Variants in TDRD3 observed in about 807,000 individuals in gnomAD.
The protein encoded by TDRD3 is tudor domain containing 3, also known as tudor domain-containing protein 3.
TDRD3 carries 45 observed loss-of-function variants against 86.7 expected under a neutral mutation model. That is an observed-to-expected ratio of 0.52 (90% confidence interval 0.41 to 0.67). TDRD3 has a LOEUF of 0.67. Ranked by LOEUF, TDRD3 falls within the 30% of genes least tolerant of loss-of-function variation. TDRD3 has a pLI of 0.00. For synonymous variants in TDRD3, 298 were observed against 301.7 expected (o/e 0.99, Z 0.13); for missense variants, 814 against 889.0 (o/e 0.92, Z 1.07).
At chr13:60,507,931 G>T (rs1489302541) in intron 8 of TDRD3, among the ~76,000 whole-genome samples, 2 of 152,064 alleles carry the variant, frequency 1.3e-5, no homozygotes, top group South Asian at 4.1e-4. Flanking sequence ...AAACTCTCAG[G>T]ATACAAAGCC....
At chr13:60,492,593 T>A (rs979469208) in intron 7 of TDRD3, among the ~76,000 whole-genome samples, 1 of 152,214 alleles carries the variant, frequency 6.6e-6, no homozygotes, top group African/African-American at 2.4e-5. Flanking sequence ...TGTGCTACCT[T>A]GCCTCCTAGT....
intron 12 of TDRD3, among the ~76,000 whole-genome samples, chr13:60,539,450 A>G (rs1957765560): frequency 6.6e-6 from 1 of 152,036 alleles, no homozygotes; most frequent in African/African-American, 2.4e-5. Flanking sequence ...ATATTAGTTT[A>G]AAGATAAAAT....
At chr13:60,514,249 G>A (rs527653800) in intron 10 of TDRD3, among the ~76,000 whole-genome samples, 10 of 152,206 alleles carry the variant, frequency 6.6e-5, no homozygotes, top group African/African-American at 2.4e-4. Flanking sequence ...GATGATTTAG[G>A]GTATCTGGCA....
intron 10 of TDRD3, among the ~76,000 whole-genome samples, chr13:60,518,142 C>T (rs901003935): frequency 6.6e-6 from 1 of 152,208 alleles, no homozygotes; most frequent in Non-Finnish European, 1.5e-5. Context: ...TGAAAATATA[C>T]TACACTGCTG....
Position 60,494,559 on chromosome 13 carries a change from G to C in TDRD3, c.842G>C (p.Gly281Ala). 1 of 1,613,584 alleles carries C rather than the reference G, an allele frequency of 6.2e-7. No homozygotes were observed. The change falls in exon 8 of 14, where the codon GGT becomes GCT. Residue 281 changes from glycine to alanine, a missense_variant. Gly to Ala is a moderately conservative substitution (Grantham distance 60). Transcript: ENST00000377881. ...ACCAAATCAGAGGGAAAACATGAAGGTGTCTATAGAGAACTGGTAAGGCTA... is the reference window on the plus strand; with the variant it reads ...ACCAAATCAGAGGGAAAACATGAAGCTGTCTATAGAGAACTGGTAAGGCTA... The part of the protein sequence containing the change: ...KSTKSEGKHE[G>A]VYRELVDEKA...
At chr13:60,553,342 AG>A (rs1958109292) in intron 12 of TDRD3, among the ~76,000 whole-genome samples, 2 of 152,248 alleles carry the variant, frequency 1.3e-5, no homozygotes, top group African/African-American at 4.8e-5. Flanking sequence ...ACAAGTCTCT[AG>A]GAAGTTCCAA....
intron 5 of TDRD3, among the ~76,000 whole-genome samples, chr13:60,471,519 A>G (rs899936577): frequency 2.0e-5 from 3 of 150,676 alleles, no homozygotes; most frequent in Admixed American, 2.0e-4. Context: ...TATGAATTAT[A>G]GGATAGATTT....
chr13:60,506,744 GAAAC>G (rs1211456055), intron 8 of TDRD3, among the ~76,000 whole-genome samples: 1 of 151,940 alleles, frequency 6.6e-6, no homozygotes, highest in Non-Finnish European at 1.5e-5. Flanking sequence ...GTGACAGAAT[GAAAC>G]AAACAAACAA....
At chr13:60,517,334 G>T (rs187451973) in intron 10 of TDRD3, among the ~76,000 whole-genome samples, 11 of 152,084 alleles carry the variant, frequency 7.2e-5, no homozygotes, top group Non-Finnish European at 1.3e-4. Context: ...AAACTAGGCC[G>T]AGACAAGAGA....
intron 13 of TDRD3, among the ~76,000 whole-genome samples, chr13:60,568,546 T>A (rs150892393): frequency 8.5e-5 from 13 of 152,324 alleles, no homozygotes; most frequent in African/African-American, 3.1e-4. Context: ...TCAGTGTGCT[T>A]ATAATTAAAG....
chr13:60,434,403 G>C (rs895326496), intron 1 of TDRD3, among the ~76,000 whole-genome samples: 6 of 151,590 alleles, frequency 4.0e-5, no homozygotes, highest in Non-Finnish European at 7.4e-5. Flanking sequence ...AGGCAGTTCA[G>C]GCTCTAGTGA....
chr13:60,545,637 A>C (rs1957921975), intron 12 of TDRD3, among the ~76,000 whole-genome samples: 1 of 152,066 alleles, frequency 6.6e-6, no homozygotes, highest in Non-Finnish European at 1.5e-5. Flanking sequence ...TAATGTGGAG[A>C]ATGTACACGA....
rs1210097114 is a variant in TDRD3, at chr13:60,397,272, CTT to C, written c.-81_-80del. 2,212 of 455,396 alleles carry C rather than the reference CTT, an allele frequency of 4.9e-3. No individual in the cohort carries two copies. Among genetic ancestry groups the C allele is most frequent in the South Asian group, 0.012 (285 of 23,888 alleles). The allele number at this position is 455,396 out of a possible 1,614,324, so 28.2% of individuals were successfully genotyped here. A position where few individuals can be genotyped will look rare whatever the true frequency, so the allele number is the denominator to read the frequency against. On this transcript the variant is annotated 5_prime_UTR_variant, in exon 1 of 14. An upstream open reading frame in the 5' UTR gains an earlier in-frame stop. Transcript: ENST00000377881. Reference sequence around the variant, plus strand: ...CCAGAGGAGTTTTTTCTTTTCTTTTCTTTTTTTTTTTTTAAGGGGGGGGGTCT... The same window carrying C: ...CCAGAGGAGTTTTTTCTTTTCTTTTCTTTTTTTTTTTAAGGGGGGGGGTCT...
At position 60,557,206 on chromosome 13, in the gene TDRD3, CAAAAA is replaced by C. The variant is rs138618410; in HGVS notation, c.2119-10302_2119-10298del. On this transcript the variant is annotated intron_variant, in intron 12 of 13. Coordinates refer to ENST00000377881, the MANE Select transcript of TDRD3 (RefSeq NM_001146070.2). ...GGGCAACAAGAGCGAAACTCTGTCTCAAAAAAAAAAAAAAAAAAAAAGTAGTTCCT... is the reference window on the plus strand; with the variant it reads ...GGGCAACAAGAGCGAAACTCTGTCTCAAAAAAAAAAAAAAAAGTAGTTCCT... Among the ~76,000 whole-genome samples, 5 of 117,780 alleles carry C rather than the reference CAAAAA, an allele frequency of 4.2e-5. No homozygotes were observed. The South Asian group carries it at 1.1e-3, about 25-fold the overall frequency. The allele number at this position is 117,780 out of a possible 152,430, so 77.3% of individuals were successfully genotyped here.
intron 5 of TDRD3, among the ~76,000 whole-genome samples, chr13:60,481,813 G>T (rs555080260): frequency 6.6e-6 from 1 of 152,226 alleles, no homozygotes; most frequent in South Asian, 2.1e-4. Flanking sequence ...TGGACATTGT[G>T]ATGTTGGTAG....
intron 11 of TDRD3, among the ~76,000 whole-genome samples, chr13:60,530,305 G>C (rs912787467): frequency 1.3e-5 from 2 of 152,110 alleles, no homozygotes; most frequent in Non-Finnish European, 2.9e-5. Context: ...ATTCTGGAGA[G>C]AGCAATTACA....
chr13:60,554,779 A>T (rs1004766175), intron 12 of TDRD3, among the ~76,000 whole-genome samples: 4 of 152,168 alleles, frequency 2.6e-5, no homozygotes, highest in Admixed American at 6.5e-5. Context: ...TGATATGATC[A>T]TACATTTATT....
chr13:60,411,669 AC>A (rs1646266608), intron 1 of TDRD3, among the ~76,000 whole-genome samples: 1 of 152,044 alleles, frequency 6.6e-6, no homozygotes, highest in South Asian at 2.1e-4. Flanking sequence ...TCATTTAAGG[AC>A]CCAGGTTCCT....
chr13:60,411,849 G>A (rs943093117), intron 1 of TDRD3, among the ~76,000 whole-genome samples: 2 of 152,126 alleles, frequency 1.3e-5, no homozygotes, highest in African/African-American at 2.4e-5. Flanking sequence ...GCACATTAAA[G>A]TGATTCTTTT....
Sources: allele counts gnomAD v4.1 joint callset (sites outside exome capture counted in the v4.1 genomes callset), GRCh38; gene constraint gnomAD v4.1.1; transcripts MANE v1.5; gene names NCBI Gene and HGNC (gene_info 2026-07-23, HGNC 2026-07-21).